Variants in PPP3CB observed in about 807,000 individuals in gnomAD.
PPP3CB encodes the protein serine/threonine-protein phosphatase 2B catalytic subunit beta isoform.
PPP3CB carries 8 observed loss-of-function variants against 66.4 expected under a neutral mutation model. That is an observed-to-expected ratio of 0.12 (90% CI 0.07 to 0.22). PPP3CB has a LOEUF of 0.22. Among genes scored for constraint, PPP3CB ranks in the 10% least tolerant of loss-of-function variants. PPP3CB has a pLI of 1.00. For synonymous variants in PPP3CB, 208 were observed against 221.2 expected (o/e 0.94, Z 0.53); for missense variants, 319 against 642.5 (o/e 0.50, Z 5.44).
intron 9 of PPP3CB, among the ~76,000 whole-genome samples, chr10:73,460,601 A>G (rs1204316544): frequency 6.6e-6 from 1 of 152,208 alleles, no homozygotes; most frequent in Non-Finnish European, 1.5e-5. Flanking sequence ...AGGGAAATGG[A>G]TAGAAGAAAA....
chr10:73,438,628 G>C (rs908076285), intron 13 of PPP3CB, among the ~76,000 whole-genome samples: 1 of 152,062 alleles, frequency 6.6e-6, no homozygotes, highest in Admixed American at 6.5e-5. Context: ...AGCTTTATAG[G>C]TGACAAGTGT....
intron 9 of PPP3CB, among the ~76,000 whole-genome samples, chr10:73,456,673 C>A (rs2056432687): frequency 6.6e-6 from 1 of 152,148 alleles, no homozygotes; most frequent in Non-Finnish European, 1.5e-5. Context: ...CCCTACTGCA[C>A]ATCACATGCA....
At chr10:73,489,504 C>T (rs138831509) in intron 1 of PPP3CB, among the ~76,000 whole-genome samples, 103 of 152,092 alleles carry the variant, frequency 6.8e-4, no homozygotes, top group African/African-American at 2.4e-3. Context: ...TTTATATGCA[C>T]GGTCTCTATT....
At chr10:73,488,052 G>A (rs899851146) in intron 1 of PPP3CB, among the ~76,000 whole-genome samples, 3 of 151,778 alleles carry the variant, frequency 2.0e-5, no homozygotes, top group African/African-American at 7.3e-5. Flanking sequence ...AAGTGCTGGG[G>A]TTAGGGTCAG....
In PPP3CB at chr10:73,439,919, G is replaced by A. The variant is rs1200398617; in HGVS notation, c.1367-18C>T. On this transcript the variant is annotated intron_variant, in intron 12 of 13. Coordinates refer to ENST00000360663, the MANE Select transcript of PPP3CB (RefSeq NM_021132.4). ...AACTGTGGCTGTACAGAAGTGAGCA[G>A]AGGCATGCAAAATGAATGAGAGAGA... 3 of 1,611,530 alleles carry A rather than the reference G, an allele frequency of 1.9e-6. No homozygotes were observed. Among genetic ancestry groups the A allele is most frequent in the Non-Finnish European group, 2.5e-6 (3 of 1,177,782 alleles).
Position 73,437,195 on chromosome 10 carries a change from T to A in PPP3CB, c.*1047A>T, listed in dbSNP as rs528224452. 4 of 152,666 alleles carry A rather than the reference T, an allele frequency of 2.6e-5. No homozygotes were observed. Among genetic ancestry groups the A allele is most frequent in the Admixed American group, 6.5e-5 (1 of 15,282 alleles). 9.5% of individuals were successfully genotyped at this position (152,666 alleles called of 1,614,324 possible). On this transcript the variant is annotated 3_prime_UTR_variant, in exon 14 of 14. Coordinates refer to ENST00000360663, the MANE Select transcript of PPP3CB (RefSeq NM_021132.4). ...ACAGAACCATTGCTTCTAGGCTGCATTGCTTAATCAAAAACACTTCCAGAA... is the reference window on the plus strand; with the variant it reads ...ACAGAACCATTGCTTCTAGGCTGCAATGCTTAATCAAAAACACTTCCAGAA...
chr10:73,444,854 A>T (rs778306417), intron 11 of PPP3CB, 32 bp from the exon 12 acceptor site: 2 of 1,603,058 alleles, frequency 1.2e-6, no homozygotes, highest in Middle Eastern at 2.2e-4. Flanking sequence ...AATATCAGAT[A>T]CTTCCAACAA....
intron 9 of PPP3CB, among the ~76,000 whole-genome samples, chr10:73,462,802 T>C (rs548967684): frequency 2.6e-5 from 4 of 151,502 alleles, no homozygotes; most frequent in Admixed American, 6.6e-5. Flanking sequence ...ACACAAAAAT[T>C]AGCTAGGTGT....
At chr10:73,447,743 A>G (rs2056280056) in intron 10 of PPP3CB, among the ~76,000 whole-genome samples, 1 of 152,154 alleles carries the variant, frequency 6.6e-6, no homozygotes, top group South Asian at 2.1e-4. Context: ...AACAAAAGAC[A>G]TATTTTAGGG....
intron 12 of PPP3CB, 67 bp downstream of exon 12, chr10:73,444,658 T>C (rs770696841): frequency 5.0e-6 from 8 of 1,604,624 alleles, no homozygotes; most frequent in South Asian, 2.2e-5. Context: ...ATTATGTGAA[T>C]TGTTAGCAAA....
chr10:73,451,866 C>T (rs1288164328), intron 10 of PPP3CB, among the ~76,000 whole-genome samples: 2 of 151,778 alleles, frequency 1.3e-5, no homozygotes, highest in African/African-American at 4.8e-5. Context: ...CTGCCCCAGC[C>T]TCCCAAGTAG....
At chr10:73,457,314 G>A (rs150024541) in intron 9 of PPP3CB, among the ~76,000 whole-genome samples, 409 of 137,034 alleles carry the variant, frequency 3.0e-3, no homozygotes, top group Non-Finnish European at 4.4e-3. Context: ...GGACATGCCT[G>A]TAGTCCTACC....
At chr10:73,485,908 T>TTG (rs57190155) in intron 1 of PPP3CB, among the ~76,000 whole-genome samples, 1,752 of 121,286 alleles carry the variant, frequency 0.014, 22 homozygotes, top group African/African-American at 0.028. Flanking sequence ...ACCTGGCTAA[T>TTG]TGTGTGTGTG....
chr10:73,445,283 TA>T (rs765191120), intron 11 of PPP3CB, among the ~76,000 whole-genome samples: 20 of 152,250 alleles, frequency 1.3e-4, no homozygotes, highest in Non-Finnish European at 2.8e-4. Flanking sequence ...AAGAATACTC[TA>T]AAAAGTATCC....
chr10:73,445,674 C>T (rs1442053103), intron 11 of PPP3CB, among the ~76,000 whole-genome samples: 1 of 151,904 alleles, frequency 6.6e-6, no homozygotes, highest in African/African-American at 2.4e-5. Context: ...GTCTTGAACT[C>T]CGCCCGCTTT....
At chr10:73,482,379 C>T (rs1009990594) in intron 1 of PPP3CB, among the ~76,000 whole-genome samples, 3 of 151,488 alleles carry the variant, frequency 2.0e-5, no homozygotes, top group Non-Finnish European at 2.9e-5. Flanking sequence ...CCCGTCTCTA[C>T]TAAAAATACA....
At chr10:73,440,588 T>TCTAG (rs1286649122) in intron 12 of PPP3CB, among the ~76,000 whole-genome samples, 1 of 152,204 alleles carries the variant, frequency 6.6e-6, no homozygotes, top group African/African-American at 2.4e-5. Flanking sequence ...TCCTTTCTAT[T>TCTAG]CTAGTACTGA....
chr10:73,461,272 C>A (rs1345569483), intron 9 of PPP3CB, among the ~76,000 whole-genome samples: 1 of 152,104 alleles, frequency 6.6e-6, no homozygotes, highest in Non-Finnish European at 1.5e-5. Flanking sequence ...CATAGTGAAA[C>A]CCTGTCTCTA....
chr10:73,443,276 G>A (rs1394512232), intron 12 of PPP3CB, among the ~76,000 whole-genome samples: 1 of 115,086 alleles, frequency 8.7e-6, no homozygotes, highest in Non-Finnish European at 1.7e-5. Flanking sequence ...GAGAAAGAAA[G>A]AAAGAAAGAC....
Sources: gnomAD v4.1 joint callset for allele counts (sites outside exome capture counted in the v4.1 genomes callset) on GRCh38, gnomAD v4.1.1 for gene constraint, MANE v1.5 for transcripts, NCBI Gene and HGNC (gene_info 2026-07-23, HGNC 2026-07-21) for gene names.